Variants in JMJD1C observed in about 807,000 individuals in gnomAD.
JMJD1C encodes jumonji domain-containing protein 1C.
JMJD1C carries 31 observed loss-of-function variants against 245.3 expected under a neutral mutation model. The ratio of observed to expected loss-of-function variants is 0.13; its 90% CI spans 0.09 to 0.17. The LOEUF (loss-of-function observed/expected upper bound fraction) is 0.17. Among genes scored for constraint, JMJD1C ranks in the 10% least tolerant of loss-of-function variants. The pLI is 1.00. For synonymous variants in JMJD1C, 1,057 were observed against 1,017.4 expected (o/e 1.04, Z -0.74); for missense variants, 2,691 against 3,000.2 (o/e 0.90, Z 2.41).
chr10:63,187,380 G>A (rs1035472631), intron 18 of JMJD1C, among the ~76,000 whole-genome samples: 2 of 152,148 alleles, frequency 1.3e-5, no homozygotes, highest in Non-Finnish European at 2.9e-5. Context: ...AAAGATAAGG[G>A]TTAAGCTAAT....
chr10:63,276,884 C>CTTTT (rs760452367), intron 2 of JMJD1C, among the ~76,000 whole-genome samples: 4 of 96,250 alleles, frequency 4.2e-5, no homozygotes, highest in Non-Finnish European at 7.5e-5. Flanking sequence ...AAGCTTGGGG[C>CTTTT]TTTTTTTTTT....
Position 63,423,327 on chromosome 10 carries a change from C to T in JMJD1C, c.168+42168G>A, listed in dbSNP as rs148520268. Among the ~76,000 whole-genome samples, 9 of 152,256 alleles carry T rather than the reference C, an allele frequency of 5.9e-5. No individual in the cohort carries two copies. In the East Asian group the frequency reaches 1.5e-3, roughly 26 times the overall value. ...CCATTAAGCAATAACTCCTCATTCT[C>T]ATCTCCCCCCATCCCCTGGTAATCA... is the stretch of plus-strand genomic sequence containing the variant. On this transcript the variant is annotated intron_variant, in intron 1 of 25. Coordinates refer to ENST00000399262, the MANE Select transcript of JMJD1C (RefSeq NM_032776.3).
At chr10:63,271,590 T>C (rs774494140) in intron 2 of JMJD1C, among the ~76,000 whole-genome samples, 2 of 152,026 alleles carry the variant, frequency 1.3e-5, no homozygotes, top group African/African-American at 2.4e-5. Context: ...TCGCTCATGT[T>C]GCTCAGGCTG....
intron 1 of JMJD1C, among the ~76,000 whole-genome samples, chr10:63,509,725 T>C (rs1954819480): frequency 6.6e-6 from 1 of 152,220 alleles, no homozygotes; most frequent in East Asian, 1.9e-4. Flanking sequence ...TTATCATCTT[T>C]TTAATGTCAA....
chr10:63,193,815 T>C (rs1426336965), intron 14 of JMJD1C, among the ~76,000 whole-genome samples: 1 of 152,036 alleles, frequency 6.6e-6, no homozygotes, highest in African/African-American at 2.4e-5. Flanking sequence ...TACAGGCACC[T>C]GCCACCACGC....
intron 1 of JMJD1C, among the ~76,000 whole-genome samples, chr10:63,394,173 T>A (rs1480277490): frequency 8.6e-5 from 11 of 128,228 alleles, no homozygotes; most frequent in Non-Finnish European, 1.7e-4. Context: ...GGAGACTGAG[T>A]GAGACTCCGT....
intron 1 of JMJD1C, among the ~76,000 whole-genome samples, chr10:63,520,947 G>A (rs1298712254): frequency 6.6e-6 from 1 of 152,194 alleles, no homozygotes; most frequent in African/African-American, 2.4e-5. Context: ...AAACACTGAG[G>A]ATACCGGATG....
intron 2 of JMJD1C, among the ~76,000 whole-genome samples, chr10:63,302,504 G>A (rs372496339): frequency 5.1e-4 from 77 of 152,326 alleles, no homozygotes; most frequent in African/African-American, 1.7e-3. Flanking sequence ...TATCTTGCAT[G>A]AGAACCATTT....
intron 3 of JMJD1C, among the ~76,000 whole-genome samples, chr10:63,245,089 G>A (rs1425751363): frequency 1.3e-4 from 17 of 128,822 alleles, no homozygotes; most frequent in Admixed American, 4.7e-4. Context: ...AGCAGAGATC[G>A]TGCCACTGCA....
intron 1 of JMJD1C, among the ~76,000 whole-genome samples, chr10:63,424,964 C>A (rs1426258776): frequency 6.6e-6 from 1 of 152,122 alleles, no homozygotes; most frequent in Admixed American, 6.6e-5. Flanking sequence ...ACATTCAACC[C>A]TTCAGCTTTT....
chr10:63,377,839 A>T (rs1272199670), intron 2 of JMJD1C, among the ~76,000 whole-genome samples: 1 of 151,944 alleles, frequency 6.6e-6, no homozygotes, highest in Non-Finnish European at 1.5e-5. Context: ...TCAAGGCTGC[A>T]GTGAGCTGTG....
intron 1 of JMJD1C, among the ~76,000 whole-genome samples, chr10:63,435,292 A>G (rs1950999275): frequency 6.6e-6 from 1 of 152,186 alleles, no homozygotes; most frequent in Non-Finnish European, 1.5e-5. Context: ...TCCTGCTTGA[A>G]CAATTTCTAG....
chr10:63,493,249 CTTTTTTTTTTTTTTT>C (rs752941477), intron 1 of JMJD1C, among the ~76,000 whole-genome samples: 8 of 49,140 alleles, frequency 1.6e-4, no homozygotes, highest in East Asian at 7.9e-4. Context: ...ACTGTTATTT[CTTTTTTTTTTTTTTT>C]TTTTTTTTTT....
intron 2 of JMJD1C, among the ~76,000 whole-genome samples, chr10:63,283,430 G>C (rs1398973610): frequency 6.7e-6 from 1 of 148,420 alleles, no homozygotes; most frequent in Admixed American, 6.8e-5. Context: ...GCAATGGCAT[G>C]ATCTTGGCTC....
At chr10:63,494,659 C>T (rs1444495712) in intron 1 of JMJD1C, among the ~76,000 whole-genome samples, 1 of 152,164 alleles carries the variant, frequency 6.6e-6, no homozygotes, top group Admixed American at 6.5e-5. Context: ...GAAATCTTGT[C>T]CTATCAAAAT....
At chr10:63,290,269 C>T (rs950953178) in intron 2 of JMJD1C, among the ~76,000 whole-genome samples, 5 of 152,098 alleles carry the variant, frequency 3.3e-5, no homozygotes, top group African/African-American at 1.2e-4. Context: ...CACTGAAAAA[C>T]ATTTAAAAGT....
chr10:63,169,439 T>C (rs182925653), intron 24 of JMJD1C, among the ~76,000 whole-genome samples: 142 of 152,214 alleles, frequency 9.3e-4, no homozygotes, highest in African/African-American at 3.2e-3. Context: ...GGAGAAATAA[T>C]TGAAAAACTA....
intron 1 of JMJD1C, among the ~76,000 whole-genome samples, chr10:63,394,272 A>G (rs1259971726): frequency 5.3e-5 from 8 of 152,160 alleles, no homozygotes; most frequent in Non-Finnish European, 1.0e-4. Context: ...TAAAGTCCAG[A>G]AACAGATCCA....
At chr10:63,358,564 A>G (rs1945062152) in intron 2 of JMJD1C, among the ~76,000 whole-genome samples, 1 of 152,182 alleles carries the variant, frequency 6.6e-6, no homozygotes, top group East Asian at 1.9e-4. Context: ...AGAATAGGGG[A>G]AAAACGGAAA....
Sources: gnomAD v4.1 joint callset for allele counts (sites outside exome capture counted in the v4.1 genomes callset) on GRCh38, gnomAD v4.1.1 for gene constraint, MANE v1.5 for transcripts, NCBI Gene and HGNC (gene_info 2026-07-23, HGNC 2026-07-21) for gene names.